Variants in LAPTM4B observed in about 807,000 individuals in gnomAD.
LAPTM4B encodes the protein lysosomal-associated transmembrane protein 4B.
A neutral mutation model predicts 28.5 loss-of-function variants in LAPTM4B; 26 were observed. The ratio of observed to expected loss-of-function variants is 0.91; its 90% CI spans 0.67 to 1.27. The LOEUF is 1.27. Ranked by LOEUF, LAPTM4B falls within the 50% of genes most tolerant of loss-of-function variation. The pLI is 0.00. For synonymous variants in LAPTM4B, 109 were observed against 106.4 expected (o/e 1.02, Z -0.15); for missense variants, 288 against 285.8 (o/e 1.01, Z -0.06).
chr8:97,825,108 G>A lies in LAPTM4B; in HGVS notation c.558G>A (p.Arg186=). The A allele has an allele frequency of 6.2e-7, 1 of 1,611,602 alleles. No individual in the cohort carries two copies. Among genetic ancestry groups the A allele is most frequent in the Non-Finnish European group, 8.5e-7 (1 of 1,177,814 alleles). ...ACTGCTACCGATACATCAATGGTAG[G>A]AACTCCTCTGATGTCCTGGTTTATG... ...VWNCYRYING[R]NSSDVLVYVT... The change falls in exon 6 of 7, where the codon AGG becomes AGA. Residue 186 remains arginine (R), a synonymous_variant. Transcript: ENST00000521545.
At chr8:97,783,147 A>C (rs894686259) in intron 1 of LAPTM4B, among the ~76,000 whole-genome samples, 1 of 150,314 alleles carries the variant, frequency 6.7e-6, no homozygotes, top group Non-Finnish European at 1.5e-5. Flanking sequence ...TACATACCAA[A>C]TGCCTCTGTG....
chr8:97,787,377 C>T (rs944023380), intron 1 of LAPTM4B, among the ~76,000 whole-genome samples: 1 of 151,266 alleles, frequency 6.6e-6, no homozygotes, highest in Non-Finnish European at 1.5e-5. Context: ...GCTCCGCCTC[C>T]CAGGTTCACG....
intron 1 of LAPTM4B, among the ~76,000 whole-genome samples, chr8:97,803,023 A>G (rs1281737521): frequency 6.6e-6 from 1 of 151,648 alleles, no homozygotes; most frequent in Non-Finnish European, 1.5e-5. Context: ...AGACGGTGAA[A>G]CCCCATCTCT....
At position 97,785,408 on chromosome 8, in the gene LAPTM4B, G is replaced by A. The variant is rs116756967; in HGVS notation, c.99+9300G>A. Among the ~76,000 whole-genome samples, 1,092 of 152,276 alleles carry A rather than the reference G, an allele frequency of 7.2e-3. 13 individuals carry two copies. The highest frequency in any genetic ancestry group is 0.025 in the African/African-American group (1,038 of 41,560). On this transcript the variant is annotated intron_variant, in intron 1 of 6. Coordinates refer to ENST00000521545, the MANE Select transcript of LAPTM4B (RefSeq NM_018407.6). ...TTCATTAGAATGTTTTACAGACAAG[G>A]TGGCCAATAAATAAAGATTGCTATC...
intron 6 of LAPTM4B, among the ~76,000 whole-genome samples, chr8:97,826,355 A>G (rs1301759071): frequency 1.3e-5 from 2 of 152,186 alleles, no homozygotes; most frequent in African/African-American, 4.8e-5. Flanking sequence ...AATTCTGTGT[A>G]TTGATTACAG....
intron 6 of LAPTM4B, 78 bp from the exon 7 acceptor site, chr8:97,851,319 A>C: frequency 3.5e-6 from 4 of 1,158,178 alleles, no homozygotes; most frequent in South Asian, 1.2e-5. Context: ...AGTTGCATAA[A>C]AGTTCAGTAA....
chr8:97,819,038 T>A, intron 4 of LAPTM4B, 102 bp from the exon 5 acceptor site: 1 of 733,186 alleles, frequency 1.4e-6, no homozygotes. Context: ...AGCTGTCTGC[T>A]TTAATCAGTT....
chr8:97,800,645 C>T (rs955878316), intron 1 of LAPTM4B, among the ~76,000 whole-genome samples: 13 of 151,784 alleles, frequency 8.6e-5, no homozygotes, highest in African/African-American at 3.2e-4. Flanking sequence ...TACAGGCATG[C>T]ACCACCATGC....
chr8:97,805,306 C>A, intron 1 of LAPTM4B, 47 bp from the exon 2 acceptor site: 2 of 1,074,922 alleles, frequency 1.9e-6, no homozygotes, highest in Admixed American at 2.0e-5. Context: ...AGGATTGCAT[C>A]CTGGGGTTAC....
intron 6 of LAPTM4B, among the ~76,000 whole-genome samples, chr8:97,827,600 G>A (rs1817109900): frequency 6.6e-6 from 1 of 152,194 alleles, no homozygotes; most frequent in African/African-American, 2.4e-5. Context: ...TGTTGGAGTG[G>A]GGAGGGGACA....
intron 6 of LAPTM4B, among the ~76,000 whole-genome samples, chr8:97,844,077 C>T (rs1384467865): frequency 1.5e-5 from 2 of 134,376 alleles, no homozygotes; most frequent in Non-Finnish European, 3.1e-5. Flanking sequence ...TCTTATTTTG[C>T]GTGATGATTT....
chr8:97,836,875 T>C lies in LAPTM4B; in HGVS notation c.603+11722T>C, dbSNP rs192377201. ...GGGCCTTCTTTTGCATCTAACTGCT[T>C]GAAAAACGCAATTGAAGAAAGGTGA... On this transcript the variant is annotated intron_variant, in intron 6 of 6. Transcript: ENST00000521545. 4.2e-3 allele frequency among the ~76,000 whole-genome samples: 640 copies of C among 152,172 alleles called. 3 individuals are homozygous for C. The highest frequency in any genetic ancestry group is 0.014 in the African/African-American group (587 of 41,542).
At chr8:97,792,643 G>A (rs946649107) in intron 1 of LAPTM4B, among the ~76,000 whole-genome samples, 1 of 151,754 alleles carries the variant, frequency 6.6e-6, no homozygotes, top group African/African-American at 2.4e-5. Context: ...GCAGTGGCAC[G>A]ATCTCGGCTC....
chr8:97,822,448 T>G (rs1817020214), intron 5 of LAPTM4B, among the ~76,000 whole-genome samples: 1 of 151,992 alleles, frequency 6.6e-6, no homozygotes, highest in African/African-American at 2.4e-5. Flanking sequence ...TTAAACATTT[T>G]CACTTGTACT....
At chr8:97,825,749 T>C (rs1817082075) in intron 6 of LAPTM4B, among the ~76,000 whole-genome samples, 1 of 152,232 alleles carries the variant, frequency 6.6e-6, no homozygotes, top group African/African-American at 2.4e-5. Context: ...TTATGTAAAT[T>C]ATCTTGAAAT....
intron 1 of LAPTM4B, among the ~76,000 whole-genome samples, chr8:97,793,189 A>G (rs1054336697): frequency 6.6e-6 from 1 of 152,200 alleles, no homozygotes; most frequent in Non-Finnish European, 1.5e-5. Flanking sequence ...TGTGCCTGGC[A>G]TATATTTGTG....
At chr8:97,802,592 C>T (rs1394893043) in intron 1 of LAPTM4B, among the ~76,000 whole-genome samples, 1 of 152,120 alleles carries the variant, frequency 6.6e-6, no homozygotes, top group Non-Finnish European at 1.5e-5. Context: ...GTACCTTGCA[C>T]CGACCTCCTA....
At chr8:97,780,255 G>A (rs1290114489) in intron 1 of LAPTM4B, among the ~76,000 whole-genome samples, 2 of 151,454 alleles carry the variant, frequency 1.3e-5, no homozygotes, top group Non-Finnish European at 2.9e-5. Flanking sequence ...ATGAAACCCT[G>A]TTTCTATTAA....
rs915323180 is a variant in LAPTM4B at position 97,776,069 on chromosome 8, T to C, written c.60T>C (p.His20=). The C allele has an allele frequency of 1.3e-6, 2 of 1,589,010 alleles. No homozygotes were observed. The highest frequency in any genetic ancestry group is 2.4e-5 in the East Asian group (1 of 41,588). The change falls in exon 1 of 7, where the codon CAT becomes CAC. Residue 20 remains histidine (H), a synonymous_variant. Transcript: ENST00000521545. Reference sequence around the variant, plus strand: ...CCAACAGCTGCTGCTTGTGCTGCCATGTCCGCACCGGCACCATCCTGCTCG... The same window carrying C: ...CCAACAGCTGCTGCTTGTGCTGCCACGTCCGCACCGGCACCATCCTGCTCG... ...FYSNSCCLCC[H]VRTGTILLGV... is the part of the protein sequence containing the mutation.
Sources: allele counts gnomAD v4.1 joint callset (sites outside exome capture counted in the v4.1 genomes callset), GRCh38; gene constraint gnomAD v4.1.1; transcripts MANE v1.5; gene names NCBI Gene and HGNC (gene_info 2026-07-23, HGNC 2026-07-21).